The following KIRREL3 variants were observed in gnomAD, a reference collection of about 807,000 sequenced individuals.
The protein encoded by KIRREL3 is kirre like nephrin family adhesion molecule 3.
A neutral mutation model predicts 89.7 loss-of-function variants in KIRREL3; 36 were observed. The ratio of observed to expected loss-of-function variants is 0.40; its 90% confidence interval spans 0.31 to 0.53. The LOEUF (loss-of-function observed/expected upper bound fraction) is 0.53, where lower values mean the gene tolerates loss of function less well. Among genes scored for constraint, KIRREL3 ranks in the 20% least tolerant of loss-of-function variants. The pLI, the probability that KIRREL3 is intolerant of heterozygous loss-of-function variation, is 0.49. For synonymous variants in KIRREL3, 445 were observed against 441.4 expected (o/e 1.01, Z -0.10); for missense variants, 864 against 1,056.6 (o/e 0.82, Z 2.53).
At chr11:126,632,990 G>A (rs959667952) in intron 1 of KIRREL3, among the ~76,000 whole-genome samples, 27 of 152,052 alleles carry the variant, frequency 1.8e-4, no homozygotes, top group African/African-American at 6.3e-4. Flanking sequence ...TATTCGGGAG[G>A]CTGAGGCAGG....
At chr11:126,572,583 G>A (rs9645671) in intron 1 of KIRREL3, among the ~76,000 whole-genome samples, 23,311 of 95,558 alleles carry the variant, frequency 0.24, 2,269 homozygotes, top group East Asian at 0.53. Flanking sequence ...CCCCCCCCCC[G>A]CCAAGCAGGT....
In KIRREL3 at chr11:126,943,396, C is replaced by A. The variant is rs1234420376; in HGVS notation, c.55+57059G>T. Among the ~76,000 whole-genome samples, 2 of 152,178 alleles carry A rather than the reference C, an allele frequency of 1.3e-5. No individual in the cohort carries two copies. Among genetic ancestry groups the A allele is most frequent in the African/African-American group, 4.8e-5 (2 of 41,440 alleles). ...CTACCCTCCTCGGAACAATCTGATACCATTATCACTGACATCATCAAAAGA... is the reference window on the plus strand; with the variant it reads ...CTACCCTCCTCGGAACAATCTGATAACATTATCACTGACATCATCAAAAGA... On this transcript the variant is annotated intron_variant, in intron 1 of 16. Transcript: ENST00000525144. The surrounding 1 kb of genome is among the most constrained non-coding windows in gnomAD (Gnocchi z 4.2).
Position 126,424,293 on chromosome 11 carries a change from G to C in KIRREL3, c.*287C>G, listed in dbSNP as rs1481573867. 8.0e-6 allele frequency: 4 copies of C among 498,160 alleles called. No individual in the cohort carries two copies. The East Asian group carries it at 1.0e-4, about 13-fold the overall frequency. The allele number at this position is 498,160 out of a possible 1,614,324, so 30.9% of individuals were successfully genotyped here. On this transcript the variant is annotated 3_prime_UTR_variant, in exon 17 of 17. Coordinates refer to ENST00000525144, the MANE Select transcript of KIRREL3 (RefSeq NM_032531.4). The stretch of plus-strand genomic sequence containing the variant: ...GCCTGTGGGCAGAGCAGGTGGTAGA[G>C]GGGCCTCCAGGAAAGGGCCGGGGAC...
At chr11:126,960,867 C>G (rs764726766) in intron 1 of KIRREL3, among the ~76,000 whole-genome samples, 1 of 152,074 alleles carries the variant, frequency 6.6e-6, no homozygotes, top group Non-Finnish European at 1.5e-5. Flanking sequence ...ACCATTTTTC[C>G]AACAGCATGT....
In KIRREL3 at chr11:126,955,594, C is replaced by G. The variant is rs560168471; in HGVS notation, c.55+44861G>C. ...CCTTGCTGCATTCTATCTCACTCCA[C>G]CCCAATCCATTCTTTCCTTCCATCA... On this transcript the variant is annotated intron_variant, in intron 1 of 16. Transcript: ENST00000525144. This position sits in a 1 kb window ranked among gnomAD's most constrained non-coding sequence, Gnocchi z 4.6. 1.3e-5 allele frequency among the ~76,000 whole-genome samples: 2 copies of G among 152,314 alleles called. No individual in the cohort carries two copies. The highest frequency in any genetic ancestry group is 4.1e-4 in the South Asian group (2 of 4,824).
rs1380237099 is a variant in KIRREL3 at position 126,531,123 on chromosome 11, C to T, written c.134-4436G>A. Among the ~76,000 whole-genome samples the T allele has an allele frequency of 2.0e-5, 3 of 152,240 alleles. No homozygotes were observed. The highest frequency in any genetic ancestry group is 2.1e-4 in the South Asian group (1 of 4,822). ...GATTACGAGCGTGAGCCACCATGCC[C>T]GGCCCCATGCTTTGTTTTGAGTCTG... On this transcript the variant is annotated intron_variant, in intron 2 of 16. Transcript: ENST00000525144. The surrounding 1 kb of genome is among the most constrained non-coding windows in gnomAD (Gnocchi z 4.7).
chr11:126,578,590 G>A lies in KIRREL3; in HGVS notation c.56-15678C>T, dbSNP rs1354405208. The stretch of plus-strand genomic sequence containing the variant: ...TCATGAATGTGTGACAGCATGTGGG[G>A]CACGTGGGTGAGCGTGTATGCATGT... On this transcript the variant is annotated intron_variant, in intron 1 of 16. Transcript: ENST00000525144. This position sits in a 1 kb window ranked among gnomAD's most constrained non-coding sequence, Gnocchi z 4.9. Among the ~76,000 whole-genome samples the A allele has an allele frequency of 6.6e-6, 1 of 152,174 alleles. No homozygotes were observed. Among genetic ancestry groups the A allele is most frequent in the Non-Finnish European group, 1.5e-5 (1 of 68,028 alleles).
Position 126,498,832 on chromosome 11 carries a change from G to C in KIRREL3, c.433+22483C>G, listed in dbSNP as rs1299543392. On this transcript the variant is annotated intron_variant, in intron 4 of 16. Coordinates refer to ENST00000525144, the MANE Select transcript of KIRREL3 (RefSeq NM_032531.4). This position sits in a 1 kb window ranked among gnomAD's most constrained non-coding sequence, Gnocchi z 4.3. ...CCTCAGTAAATGCCAGTTCTTCACA[G>C]GCTCAGGACCTCGACGCACGGAAAC... Among the ~76,000 whole-genome samples, 1 of 152,188 alleles carries C rather than the reference G, an allele frequency of 6.6e-6. No homozygotes were observed. The highest frequency in any genetic ancestry group is 1.5e-5 in the Non-Finnish European group (1 of 68,042).
chr11:126,846,222 G>T (rs1338903159), intron 1 of KIRREL3, among the ~76,000 whole-genome samples: 1 of 152,118 alleles, frequency 6.6e-6, no homozygotes, highest in Non-Finnish European at 1.5e-5. Flanking sequence ...CTGGAGATCT[G>T]TATTGCCTTC....
rs893666486 is a variant in KIRREL3 at position 126,997,800 on chromosome 11, T to G, written c.55+2655A>C. ...TGTTCCCAGAAACTCCTAAGTGCCA[T>G]GCAGATTCCCACTGTGAGATGTGTT... On this transcript the variant is annotated intron_variant, in intron 1 of 16. Coordinates refer to ENST00000525144, the MANE Select transcript of KIRREL3 (RefSeq NM_032531.4). This position sits in a 1 kb window ranked among gnomAD's most constrained non-coding sequence, Gnocchi z 4.3. Among the ~76,000 whole-genome samples the G allele has an allele frequency of 6.6e-6, 1 of 152,176 alleles. No homozygotes were observed. Among genetic ancestry groups the G allele is most frequent in the African/African-American group, 2.4e-5 (1 of 41,428 alleles).
At chr11:126,799,453 T>TGGGTGTGTG (rs1950957881) in intron 1 of KIRREL3, among the ~76,000 whole-genome samples, 1 of 69,212 alleles carries the variant, frequency 1.4e-5, no homozygotes, top group Non-Finnish European at 3.2e-5. Context: ...TGCATGCATC[T>TGGGTGTGTG]CTGTGTGCAT....
In KIRREL3 at chr11:126,872,004, C is replaced by T. The variant is rs1475669788; in HGVS notation, c.55+128451G>A. ...CCCTGGACTTTGTACTTAATGCAGACAGTGGCTATGAGGTAGGAAATCAGC... is the reference window on the plus strand; with the variant it reads ...CCCTGGACTTTGTACTTAATGCAGATAGTGGCTATGAGGTAGGAAATCAGC... On this transcript the variant is annotated intron_variant, in intron 1 of 16. Coordinates refer to ENST00000525144, the MANE Select transcript of KIRREL3 (RefSeq NM_032531.4). The surrounding 1 kb of genome is among the most constrained non-coding windows in gnomAD (Gnocchi z 4.2). Among the ~76,000 whole-genome samples, 1 of 152,178 alleles carries T rather than the reference C, an allele frequency of 6.6e-6. No individual in the cohort carries two copies. Among genetic ancestry groups the T allele is most frequent in the Non-Finnish European group, 1.5e-5 (1 of 68,044 alleles).
intron 1 of KIRREL3, among the ~76,000 whole-genome samples, chr11:126,988,860 G>C (rs183450627): frequency 6.6e-6 from 1 of 152,272 alleles, no homozygotes; most frequent in East Asian, 1.9e-4. Flanking sequence ...AGGCTTCGGG[G>C]GTAGAGAAAC....
At position 126,432,377 on chromosome 11, in the gene KIRREL3, T is replaced by G. The variant is rs892414762; in HGVS notation, c.1589-851A>C. Reference sequence around the variant, plus strand: ...GTGATCTTCCACACAGCCTTGGCCCTTCTACAGCTGCAAGTGGGGTCGGAG... The same window carrying G: ...GTGATCTTCCACACAGCCTTGGCCCGTCTACAGCTGCAAGTGGGGTCGGAG... On this transcript the variant is annotated intron_variant, in intron 13 of 16. Coordinates refer to ENST00000525144, the MANE Select transcript of KIRREL3 (RefSeq NM_032531.4). This position sits in a 1 kb window ranked among gnomAD's most constrained non-coding sequence, Gnocchi z 6.2. 6.6e-6 allele frequency among the ~76,000 whole-genome samples: 1 copy of G among 152,120 alleles called. No homozygotes were observed. Among genetic ancestry groups the G allele is most frequent in the Non-Finnish European group, 1.5e-5 (1 of 68,006 alleles).
chr11:126,932,204 C>T (rs761956941), intron 1 of KIRREL3, among the ~76,000 whole-genome samples: 6 of 152,302 alleles, frequency 3.9e-5, no homozygotes, highest in Non-Finnish European at 8.8e-5. Flanking sequence ...CAAGAAAGGA[C>T]ATGCACGTGA....
chr11:126,749,270 A>T (rs2187572), intron 1 of KIRREL3, among the ~76,000 whole-genome samples: 10,779 of 152,214 alleles, frequency 0.071, 660 homozygotes, highest in Admixed American at 0.21. Flanking sequence ...TCCTTTCTCA[A>T]CTATATAAAT....
Position 126,594,873 on chromosome 11 carries a change from T to TC in KIRREL3, c.56-31962dup, listed in dbSNP as rs1441639388. ...TCTGTTAGCATTTCCGCCACGTGCT[T>TC]CTCAGCGTTTTGCCCCAGTTGGCCT... On this transcript the variant is annotated intron_variant, in intron 1 of 16. Transcript: ENST00000525144. This position sits in a 1 kb window ranked among gnomAD's most constrained non-coding sequence, Gnocchi z 5.0. Among the ~76,000 whole-genome samples, 3 of 152,236 alleles carry TC rather than the reference T, an allele frequency of 2.0e-5. No individual in the cohort carries two copies. Among genetic ancestry groups the TC allele is most frequent in the Non-Finnish European group, 2.9e-5 (2 of 68,036 alleles).
Position 126,491,792 on chromosome 11 carries a change from C to T in KIRREL3, c.434-18326G>A, listed in dbSNP as rs1435906731. Among the ~76,000 whole-genome samples, 1 of 152,080 alleles carries T rather than the reference C, an allele frequency of 6.6e-6. No homozygotes were observed. The highest frequency in any genetic ancestry group is 1.5e-5 in the Non-Finnish European group (1 of 68,022). ...TCTCGGCTCACTGCAACCTCCACCT[C>T]CCAGGTTCAAGCGATTCTCCTGCCT... is the stretch of plus-strand genomic sequence containing the variant. On this transcript the variant is annotated intron_variant, in intron 4 of 16. Coordinates refer to ENST00000525144, the MANE Select transcript of KIRREL3 (RefSeq NM_032531.4). The surrounding 1 kb of genome is among the most constrained non-coding windows in gnomAD (Gnocchi z 5.5).
At chr11:126,847,637 A>G (rs1055903488) in intron 1 of KIRREL3, among the ~76,000 whole-genome samples, 2 of 151,388 alleles carry the variant, frequency 1.3e-5, no homozygotes, top group South Asian at 2.2e-4. Context: ...CTAAACTAAT[A>G]GTAAACTAAT....
Sources: gnomAD v4.1 joint callset for allele counts (sites outside exome capture counted in the v4.1 genomes callset) on GRCh38, gnomAD v4.1.1 for gene constraint, Gnocchi (gnomAD v3.1) non-coding constraint, MANE v1.5 for transcripts, NCBI Gene and HGNC (gene_info 2026-07-23, HGNC 2026-07-21) for gene names.